The following TPRG1L variants were observed in gnomAD, a reference collection of about 807,000 sequenced individuals.
TPRG1L encodes tumor protein p63 regulated 1 like, also known as tumor protein p63-regulated gene 1-like protein.
A neutral mutation model predicts 29.4 loss-of-function variants in TPRG1L; 25 were observed. The observed-to-expected ratio is 0.85, with a 90% CI of 0.62 to 1.19. The LOEUF (loss-of-function observed/expected upper bound fraction) is 1.19. Among genes scored for constraint, TPRG1L ranks in the 50% most tolerant of loss-of-function variants. The pLI, the probability that TPRG1L is intolerant of heterozygous loss-of-function variation, is 0.00. For missense variants in TPRG1L, 354 were observed against 364.4 expected, an observed-to-expected ratio of 0.97 and a Z score of 0.23; for synonymous variants, 182 against 151.1, an observed-to-expected ratio of 1.20 and a Z score of -1.50.
In TPRG1L at chr1:3,625,451, G is replaced by A. The variant is rs748831376; in HGVS notation, c.229G>A (p.Glu77Lys). 2.5e-6 allele frequency: 4 copies of A among 1,605,882 alleles called. No homozygotes were observed. Among genetic ancestry groups the A allele is most frequent in the East Asian group, 4.5e-5 (2 of 44,568 alleles). ...CGGCAGCATCGAGCAGGCAGTGGAG[G>A]AGATCCGCGTGGTGGTGCGGCCCGT... is the stretch of plus-strand genomic sequence containing the variant. ...RPGSIEQAVE[E>K]IRVVVRPVED... Residue 77 changes from glutamate to lysine, a missense_variant, in exon 2 of 5, where the codon GAG becomes AAG. By Grantham distance (56) the Glu-to-Lys change is moderately conservative (BLOSUM62 1). Coordinates refer to ENST00000378344, the MANE Select transcript of TPRG1L (RefSeq NM_182752.4).
In TPRG1L at chr1:3,625,112, A is replaced by G; in HGVS notation, c.40A>G (p.Ser14Gly). ...LRDSVDSAGT[S>G]PTAVLAAGEE... ...GGACTCGGTGGACTCGGCCGGTACG[A>G]GCCCCACGGCGGTGCTGGCGGCCGG... The change falls in exon 1 of 5, where the codon AGC becomes GGC. Residue 14 changes from serine (S) to glycine (G), a missense_variant. By Grantham distance (56) the Ser-to-Gly change is moderately conservative (BLOSUM62 0). Coordinates refer to ENST00000378344, the MANE Select transcript of TPRG1L (RefSeq NM_182752.4). 1 of 1,219,588 alleles carries G rather than the reference A, an allele frequency of 8.2e-7. No homozygotes were observed. Among genetic ancestry groups the G allele is most frequent in the South Asian group, 4.0e-5 (1 of 25,196 alleles). The allele number at this position is 1,219,588 out of a possible 1,614,324, so 75.5% of individuals were successfully genotyped here.
At chr1:3,625,612 G>T in intron 2 of TPRG1L, 97 bp downstream of exon 2, 1 of 1,559,864 alleles carries the variant, frequency 6.4e-7, no homozygotes, top group South Asian at 1.2e-5. Context: ...GCCACGCTCA[G>T]GCGCCCCGTG....
intron 3 of TPRG1L, 55 bp from the exon 4 acceptor site, chr1:3,627,445 A>G (rs767966925): frequency 1.2e-4 from 195 of 1,604,098 alleles, no homozygotes; most frequent in Non-Finnish European, 1.6e-4. Flanking sequence ...CAGATTGTCC[A>G]TGAGAGCACT....
At position 3,625,504 on chromosome 1, in the gene TPRG1L, G is replaced by A. The variant is rs1374245092; in HGVS notation, c.282G>A (p.Trp94Ter). ...PVEDGEIQGV[W>*]LLTEVDHWNN... Reference sequence around the variant, plus strand: ...AGGACGGCGAGATCCAGGGAGTGTGGCTGCTTACCGAGTAAGCCGGGGCTG... The same window carrying A: ...AGGACGGCGAGATCCAGGGAGTGTGACTGCTTACCGAGTAAGCCGGGGCTG... The change falls in exon 2 of 5, where the codon TGG becomes TGA. Residue 94 changes from tryptophan (W) to a stop codon, truncating the protein, a stop_gained. Coordinates refer to ENST00000378344, the MANE Select transcript of TPRG1L (RefSeq NM_182752.4). LOFTEE classifies it high-confidence loss of function. 9.3e-6 allele frequency: 15 copies of A among 1,604,462 alleles called. No homozygotes were observed. Among genetic ancestry groups the A allele is most frequent in the Non-Finnish European group, 1.3e-5 (15 of 1,176,722 alleles).
chr1:3,628,540 GT>G lies in TPRG1L; in HGVS notation c.757del (p.Ser253ProfsTer13). The G allele has an allele frequency of 6.2e-7, 1 of 1,613,476 alleles. No homozygotes were observed. The highest frequency in any genetic ancestry group is 1.1e-5 in the South Asian group (1 of 91,032). On this transcript the variant is annotated frameshift_variant, in exon 5 of 5. Transcript: ENST00000378344. LOFTEE classifies it high-confidence loss of function. Reference sequence around the variant, plus strand: ...TCATCGAGACCTACGTGGGACTCATGTCCTTCATTAACAACGAGGCGAAACT... The same window carrying G: ...TCATCGAGACCTACGTGGGACTCATGCCTTCATTAACAACGAGGCGAAACT... The part of the protein sequence containing the change: ...LLIETYVGLM[S>X]FINNEAKLGY...
In TPRG1L at chr1:3,625,217, C is replaced by G; in HGVS notation, c.145C>G (p.Leu49Val). 1 of 1,343,036 alleles carries G rather than the reference C, an allele frequency of 7.4e-7. No individual in the cohort carries two copies. The highest frequency in any genetic ancestry group is 1.9e-5 in the South Asian group (1 of 53,540). 83.2% of individuals were successfully genotyped at this position (1,343,036 alleles called of 1,614,324 possible). A position where few individuals can be genotyped will look rare whatever the true frequency, so the allele number is the denominator to read the frequency against. Residue 49 changes from leucine (L) to valine (V), a missense_variant, in exon 1 of 5, where the codon CTC becomes GTC. Coordinates refer to ENST00000378344, the MANE Select transcript of TPRG1L (RefSeq NM_182752.4). The part of the protein sequence containing the change: ...GTPLRQTLWP[L>V]SIHDPTRRAR... ...GCCGCTGCGCCAGACACTCTGGCCT[C>G]TCAGCATCCACGACCCCACGCGCCG...
rs1361106196 is a variant in TPRG1L at position 3,627,505 on chromosome 1, A to G, written c.476A>G (p.Glu159Gly). The part of the protein sequence containing the change: ...QFPPKSLNKR[E>G]GFGIRIQWDK... ...TATTTCTTCTGACTTTTCAGGCGAG[A>G]AGGTTTTGGGATTCGAATTCAGTGG... The change falls in exon 4 of 5, where the codon GAA (glutamate) becomes GGA (glycine). Residue 159 changes from glutamate (E) to glycine (G), a missense_variant. By Grantham distance (98) the Glu-to-Gly change is moderately conservative (BLOSUM62 -2). Transcript: ENST00000378344. The G allele has an allele frequency of 1.2e-6, 2 of 1,613,892 alleles. No homozygotes were observed. The highest frequency in any genetic ancestry group is 1.1e-5 in the South Asian group (1 of 91,080).
chr1:3,629,751 G>A lies in TPRG1L; in HGVS notation c.*1148G>A, dbSNP rs1237043832. On this transcript the variant is annotated 3_prime_UTR_variant, in exon 5 of 5. Transcript: ENST00000378344. The stretch of plus-strand genomic sequence containing the variant: ...ACCAGATCCTTATGACGCAGCTGAT[G>A]CCTGCCTTGGTTCCTACCACTCTGG... The A allele has an allele frequency of 6.6e-6, 1 of 152,290 alleles. No homozygotes were observed. Among genetic ancestry groups the A allele is most frequent in the African/African-American group, 2.4e-5 (1 of 41,460 alleles). The allele number at this position is 152,290 out of a possible 1,614,324, so 9.4% of individuals were successfully genotyped here. A position where few individuals can be genotyped will look rare whatever the true frequency, so the allele number is the denominator to read the frequency against.
chr1:3,627,477 G>A (rs1403572670), intron 3 of TPRG1L, 23 bp from the exon 4 acceptor site: 3 of 1,613,224 alleles, frequency 1.9e-6, no homozygotes, highest in African/African-American at 1.3e-5. Context: ...TGCTAAGTCT[G>A]GCTATTTCTT....
At chr1:3,628,138 A>T (rs2101946852) in intron 4 of TPRG1L, among the ~76,000 whole-genome samples, 1 of 152,342 alleles carries the variant, frequency 6.6e-6, no homozygotes, top group African/African-American at 2.4e-5. Context: ...AAAGCCACTC[A>T]GCCCTGTATA....
At position 3,628,638 on chromosome 1, in the gene TPRG1L, AGCTCCTCCCC is replaced by A. The variant is rs770362338; in HGVS notation, c.*36_*45del. On this transcript the variant is annotated 3_prime_UTR_variant, in exon 5 of 5. Coordinates refer to ENST00000378344, the MANE Select transcript of TPRG1L (RefSeq NM_182752.4). ...TCTGGGAGCTCCTCCCCCTTCTGGG[AGCTCCTCCCC>A]CTCCCCAGAAGGCCAAGGGATGTGG... 1.6e-3 allele frequency: 2,438 copies of A among 1,500,586 alleles called. 72 individuals carry two copies. In the East Asian group the frequency reaches 0.053, roughly 33 times the overall value. 93.0% of individuals were successfully genotyped at this position (1,500,586 alleles called of 1,614,324 possible).
rs988611708 is a variant in TPRG1L at position 3,627,393 on chromosome 1, G to A, written c.471-107G>A. 40 of 1,259,104 alleles carry A rather than the reference G, an allele frequency of 3.2e-5. No homozygotes were observed. The East Asian group carries it at 4.0e-4, about 13-fold the overall frequency. 78.0% of individuals were successfully genotyped at this position (1,259,104 alleles called of 1,614,324 possible). ...TATGTCATAGGTCTTTTCTGTAAAC[G>A]TGTGCTTTTTGCTGTCATATTCTCC... On this transcript the variant is annotated intron_variant, in intron 3 of 4. Coordinates refer to ENST00000378344, the MANE Select transcript of TPRG1L (RefSeq NM_182752.4).
Position 3,625,496 on chromosome 1 carries a change from G to C in TPRG1L, c.274G>C (p.Gly92Arg). ...GCCCGTGGAGGACGGCGAGATCCAG[G>C]GAGTGTGGCTGCTTACCGAGTAAGC... is the stretch of plus-strand genomic sequence containing the variant. ...VRPVEDGEIQGVWLLTEVDHW... is the reference protein window; with the variant it reads ...VRPVEDGEIQRVWLLTEVDHW... Residue 92 changes from glycine to arginine, a missense_variant, in exon 2 of 5, where the codon GGA (glycine) becomes CGA (arginine). Gly to Arg is a moderately radical substitution (Grantham distance 125, BLOSUM62 -2). Transcript: ENST00000378344. 6.2e-7 allele frequency: 1 copy of C among 1,606,528 alleles called. No individual in the cohort carries two copies. The highest frequency in any genetic ancestry group is 8.5e-7 in the Non-Finnish European group (1 of 1,177,616).
chr1:3,625,874 C>T lies in TPRG1L; in HGVS notation c.455C>T (p.Pro152Leu). Reference protein sequence around the residue: ...TISYGEFQFPPKSLNKREGFG... With the variant: ...TISYGEFQFPLKSLNKREGFG... ...TCCTACGGAGAATTCCAGTTTCCCC[C>T]TAAATCGCTCAACAAGTAAGCCTGT... Residue 152 changes from proline (P) to leucine (L), a missense_variant, in exon 3 of 5, where the codon CCT becomes CTT. By Grantham distance (98) the Pro-to-Leu change is moderately conservative. Coordinates refer to ENST00000378344, the MANE Select transcript of TPRG1L (RefSeq NM_182752.4). 6.2e-7 allele frequency: 1 copy of T among 1,611,414 alleles called. No homozygotes were observed. The highest frequency in any genetic ancestry group is 8.5e-7 in the Non-Finnish European group (1 of 1,179,520).
At position 3,628,501 on chromosome 1, in the gene TPRG1L, G is replaced by C; in HGVS notation, c.717G>C (p.Leu239=). The part of the protein sequence containing the change: ...LPGQANGVLI[L]ERPLLIETYV... Reference sequence around the variant, plus strand: ...GACAGGCGAATGGCGTGCTGATCCTGGAGCGCCCCCTGCTCATCGAGACCT... The same window carrying C: ...GACAGGCGAATGGCGTGCTGATCCTCGAGCGCCCCCTGCTCATCGAGACCT... Residue 239 remains leucine (L), a synonymous_variant, in exon 5 of 5, where the codon CTG becomes CTC. Transcript: ENST00000378344. 15 of 1,614,124 alleles carry C rather than the reference G, an allele frequency of 9.3e-6. No individual in the cohort carries two copies. The highest frequency in any genetic ancestry group is 1.3e-5 in the Non-Finnish European group (15 of 1,179,996).
rs1176083509 is a variant in TPRG1L at position 3,629,628 on chromosome 1, C to T, written c.*1025C>T. The T allele has an allele frequency of 2.0e-5, 3 of 152,284 alleles. No homozygotes were observed. The highest frequency in any genetic ancestry group is 6.5e-5 in the Admixed American group (1 of 15,284). 9.4% of individuals were successfully genotyped at this position (152,284 alleles called of 1,614,324 possible). On this transcript the variant is annotated 3_prime_UTR_variant, in exon 5 of 5. Coordinates refer to ENST00000378344, the MANE Select transcript of TPRG1L (RefSeq NM_182752.4). ...GTCCCAGCTACTTGAGAGGCTGAGC[C>T]AGGAGGATCGCTTGAGCCCAGGAGG...
intron 3 of TPRG1L, among the ~76,000 whole-genome samples, chr1:3,626,660 C>T (rs1293937251): frequency 6.7e-6 from 1 of 149,892 alleles, no homozygotes; most frequent in Non-Finnish European, 1.5e-5. Flanking sequence ...TTCACTGCAT[C>T]CTCCACCTCC....
Position 3,625,185 on chromosome 1 carries a change from C to T in TPRG1L, c.113C>T (p.Ala38Val), listed in dbSNP as rs931005726. ...GGGPGGGRPG[A>V]GTPLRQTLWP... ...GGCCCGGGCGGGGGGCGGCCGGGGGCGGGGACGCCGCTGCGCCAGACACTC... is the reference window on the plus strand; with the variant it reads ...GGCCCGGGCGGGGGGCGGCCGGGGGTGGGGACGCCGCTGCGCCAGACACTC... The change falls in exon 1 of 5, where the codon GCG (alanine) becomes GTG (valine). Residue 38 changes from alanine (A) to valine (V), a missense_variant. By Grantham distance (64) the Ala-to-Val change is moderately conservative. Coordinates refer to ENST00000378344, the MANE Select transcript of TPRG1L (RefSeq NM_182752.4). The T allele has an allele frequency of 3.7e-5, 46 of 1,245,786 alleles. No individual in the cohort carries two copies. The highest frequency in any genetic ancestry group is 4.4e-5 in the Non-Finnish European group (44 of 994,110). The allele number at this position is 1,245,786 out of a possible 1,614,324, so 77.2% of individuals were successfully genotyped here. A position where few individuals can be genotyped will look rare whatever the true frequency, so the allele number is the denominator to read the frequency against.
In TPRG1L at chr1:3,628,628, CCCTTCTGGG is replaced by C. The variant is rs778962762; in HGVS notation, c.*26_*34del. 0.053 allele frequency: 2,440 copies of C among 46,370 alleles called. 72 individuals are homozygous for C. Among genetic ancestry groups the C allele is most frequent in the East Asian group, 0.45 (2,240 of 4,942 alleles). 2.9% of individuals were successfully genotyped at this position (46,370 alleles called of 1,614,324 possible). On this transcript the variant is annotated 3_prime_UTR_variant, in exon 5 of 5. Transcript: ENST00000378344. ...GCCGCTGCGTTCTGGGAGCTCCTCC[CCCTTCTGGG>C]AGCTCCTCCCCCTCCCCAGAAGGCC... is the stretch of plus-strand genomic sequence containing the variant.
Sources: gnomAD v4.1 joint callset for allele counts (sites outside exome capture counted in the v4.1 genomes callset) on GRCh38, gnomAD v4.1.1 for gene constraint, MANE v1.5 for transcripts, NCBI Gene and HGNC (gene_info 2026-07-23, HGNC 2026-07-21) for gene names.